The following HSDL1 variants were observed in gnomAD, a reference collection of about 807,000 sequenced individuals.
The protein encoded by HSDL1 is hydroxysteroid dehydrogenase like 1.
Under a neutral mutation model 31.5 loss-of-function variants are expected in HSDL1, and 29 were observed. The ratio of observed to expected loss-of-function variants is 0.92; its 90% CI spans 0.69 to 1.26. The LOEUF (loss-of-function observed/expected upper bound fraction) is 1.26, where lower values mean the gene tolerates loss of function less well. Ranked by LOEUF, HSDL1 falls within the 50% of genes most tolerant of loss-of-function variation. HSDL1 has a pLI of 0.00. For missense variants in HSDL1, 503 were observed against 416.6 expected (o/e 1.21, Z -1.81); for synonymous variants, 222 against 155.2 (o/e 1.43, Z -3.20).
chr16:84,131,029 T>A, intron 3 of HSDL1, 73 bp downstream of exon 3: 1 of 1,218,514 alleles, frequency 8.2e-7, no homozygotes, highest in Non-Finnish European at 1.2e-6. Flanking sequence ...AAACACCACA[T>A]TAAATTCAAT....
In HSDL1 at chr16:84,122,707, A is replaced by C. The variant is rs901680600; in HGVS notation, c.*1923T>G. 9.2e-5 allele frequency: 14 copies of C among 152,168 alleles called. No individual in the cohort carries two copies. Among genetic ancestry groups the C allele is most frequent in the African/African-American group, 2.9e-4 (12 of 41,414 alleles). The allele number at this position is 152,168 out of a possible 1,614,324, so 9.4% of individuals were successfully genotyped here. ...TCCACAGTGGTCCAATCAACTTTCA[A>C]ATTAGCTCTGGGGAAAAAAATACAT... On this transcript the variant is annotated 3_prime_UTR_variant, in exon 6 of 6. Coordinates refer to ENST00000219439, the MANE Select transcript of HSDL1 (RefSeq NM_031463.5).
At chr16:84,136,185 C>T (rs915545261) in intron 1 of HSDL1, among the ~76,000 whole-genome samples, 1 of 152,240 alleles carries the variant, frequency 6.6e-6, no homozygotes, top group East Asian at 1.9e-4. Context: ...TGCCCACCAC[C>T]TGTCTAATCT....
At position 84,124,433 on chromosome 16, in the gene HSDL1, G is replaced by T; in HGVS notation, c.*197C>A. On this transcript the variant is annotated 3_prime_UTR_variant, in exon 6 of 6. Transcript: ENST00000219439. ...TCGTCAATCAGCCTCAGGCATTATTGATCCTGTGCCATCCACACACCCTTA... is the reference window on the plus strand; with the variant it reads ...TCGTCAATCAGCCTCAGGCATTATTTATCCTGTGCCATCCACACACCCTTA... The T allele has an allele frequency of 2.0e-6, 1 of 489,824 alleles. No individual in the cohort carries two copies. The highest frequency in any genetic ancestry group is 3.8e-6 in the Non-Finnish European group (1 of 265,102). The allele number at this position is 489,824 out of a possible 1,614,324, so 30.3% of individuals were successfully genotyped here. A position where few individuals can be genotyped will look rare whatever the true frequency, so the allele number is the denominator to read the frequency against.
At chr16:84,127,692 C>G (rs2086622740) in intron 5 of HSDL1, among the ~76,000 whole-genome samples, 1 of 149,410 alleles carries the variant, frequency 6.7e-6, no homozygotes, top group Non-Finnish European at 1.5e-5. Flanking sequence ...AAAATTCGGA[C>G]CAGGTACAGT....
chr16:84,129,465 A>G, intron 5 of HSDL1, 83 bp downstream of exon 5: 2 of 985,284 alleles, frequency 2.0e-6, no homozygotes, highest in Non-Finnish European at 3.1e-6. Context: ...TTCTCATCTT[A>G]GGCTTTAATC....
At chr16:84,141,899 T>G (rs147569065) in intron 1 of HSDL1, among the ~76,000 whole-genome samples, 7 of 152,330 alleles carry the variant, frequency 4.6e-5, no homozygotes, top group Admixed American at 4.6e-4. Flanking sequence ...ATGTTTTGTG[T>G]CTCATTATAG....
chr16:84,126,590 GT>G (rs2086609001), intron 5 of HSDL1, among the ~76,000 whole-genome samples: 1 of 152,178 alleles, frequency 6.6e-6, no homozygotes. Context: ...TTCTAACACC[GT>G]GTATACGAAA....
At chr16:84,131,368 A>T in intron 2 of HSDL1, 41 bp from the exon 3 acceptor site, 6 of 1,354,526 alleles carry the variant, frequency 4.4e-6, no homozygotes, top group African/African-American at 1.4e-5. Context: ...TTTGATTAAT[A>T]AATTAAAGGA....
chr16:84,130,708 A>T (rs987170872), intron 3 of HSDL1, among the ~76,000 whole-genome samples: 1 of 152,246 alleles, frequency 6.6e-6, no homozygotes, highest in African/African-American at 2.4e-5. Flanking sequence ...TCAAACTACT[A>T]TCTGGCTTGA....
chr16:84,127,585 G>C (rs1386466996), intron 5 of HSDL1, among the ~76,000 whole-genome samples: 1 of 150,302 alleles, frequency 6.7e-6, no homozygotes, highest in Non-Finnish European at 1.5e-5. Flanking sequence ...ATACTTACAT[G>C]TTTATTTGGT....
At chr16:84,127,720 T>TTC (rs1567518400) in intron 5 of HSDL1, among the ~76,000 whole-genome samples, 1 of 148,852 alleles carries the variant, frequency 6.7e-6, no homozygotes, top group Non-Finnish European at 1.5e-5. Flanking sequence ...ACTGGTATTT[T>TTC]TTTTTTTTTT....
At chr16:84,129,886 A>C (rs1258058107) in intron 4 of HSDL1, 100 bp downstream of exon 4, 11 of 1,402,776 alleles carry the variant, frequency 7.8e-6, no homozygotes, top group African/African-American at 1.4e-5. Context: ...GGATAAGCAT[A>C]TGTGAGTTGC....
Position 84,131,142 on chromosome 16 carries a change from T to C in HSDL1, c.180A>G (p.Ala60=), listed in dbSNP as rs763604869. Reference sequence around the variant, plus strand: ...ATCTTCCATACTGCTTGATCAAGTCTGCTCTGCTCCCCAGGCGGGGGATAA... The same window carrying C: ...ATCTTCCATACTGCTTGATCAAGTCCGCTCTGCTCCCCAGGCGGGGGATAA... ...LHFIPRLGSR[A]DLIKQYGRWA... The change falls in exon 3 of 6, where the codon GCA becomes GCG. Residue 60 remains alanine (A), a synonymous_variant. Transcript: ENST00000219439. The C allele has an allele frequency of 6.2e-7, 1 of 1,614,230 alleles. No homozygotes were observed.
Position 84,130,454 on chromosome 16 carries a change from T to A in HSDL1, c.221-23A>T, listed in dbSNP as rs541792737. The A allele has an allele frequency of 3.8e-6, 6 of 1,580,052 alleles. No homozygotes were observed. In the South Asian group the frequency reaches 6.9e-5, roughly 18 times the overall value. ...CACCTAGGATGCAAGTCAGGAAAAG[T>A]GAGCATGTGTATTTCACGGTGTGAC... On this transcript the variant is annotated intron_variant, in intron 3 of 5. Transcript: ENST00000219439.
At position 84,123,506 on chromosome 16, in the gene HSDL1, C is replaced by G. The variant is rs2086574643; in HGVS notation, c.*1124G>C. 6.6e-6 allele frequency: 1 copy of G among 152,196 alleles called. No individual in the cohort carries two copies. The highest frequency in any genetic ancestry group is 2.1e-4 in the South Asian group (1 of 4,830). The allele number at this position is 152,196 out of a possible 1,614,324, so 9.4% of individuals were successfully genotyped here. A position where few individuals can be genotyped will look rare whatever the true frequency, so the allele number is the denominator to read the frequency against. ...TTAACGCGTATTGTGAGGGTTTGTG[C>G]ATAATTATCTTCACACCAGTAAAGG... On this transcript the variant is annotated 3_prime_UTR_variant, in exon 6 of 6. Coordinates refer to ENST00000219439, the MANE Select transcript of HSDL1 (RefSeq NM_031463.5).
At chr16:84,141,991 G>C (rs2086773417) in intron 1 of HSDL1, among the ~76,000 whole-genome samples, 1 of 152,218 alleles carries the variant, frequency 6.6e-6, no homozygotes, top group Non-Finnish European at 1.5e-5. Context: ...GCAGTGGCAT[G>C]ATCACAGCTC....
At chr16:84,132,185 G>T (rs947032648) in intron 2 of HSDL1, among the ~76,000 whole-genome samples, 3 of 152,150 alleles carry the variant, frequency 2.0e-5, no homozygotes, top group African/African-American at 7.2e-5. Context: ...CAAACACAAA[G>T]CTTCTAATTC....
At chr16:84,129,804 T>G in intron 4 of HSDL1, 29 bp from the exon 5 acceptor site, 1 of 1,561,094 alleles carries the variant, frequency 6.4e-7, no homozygotes, top group Non-Finnish European at 8.8e-7. Context: ...GGAAAAGACT[T>G]TTAATTCTGG....
At chr16:84,128,523 T>C (rs776314494) in intron 5 of HSDL1, among the ~76,000 whole-genome samples, 5 of 152,182 alleles carry the variant, frequency 3.3e-5, no homozygotes, top group Non-Finnish European at 5.9e-5. Context: ...TCTAAGACTA[T>C]ACAGAGATAT....
Sources: allele counts gnomAD v4.1 joint callset (sites outside exome capture counted in the v4.1 genomes callset), GRCh38; gene constraint gnomAD v4.1.1; transcripts MANE v1.5; gene names NCBI Gene and HGNC (gene_info 2026-07-23, HGNC 2026-07-21).